TAOK1: variants seen among roughly 807,000 people sequenced by gnomAD.
TAOK1 encodes serine/threonine-protein kinase TAO1.
Under a neutral mutation model 138.3 loss-of-function variants are expected in TAOK1, and 21 were observed. The ratio of observed to expected loss-of-function variants is 0.15; its 90% confidence interval spans 0.11 to 0.22. The LOEUF is 0.22. TAOK1 is among the 10% of genes least tolerant of loss of function. The pLI is 1.00. For synonymous variants in TAOK1, 361 were observed against 398.4 expected, an observed-to-expected ratio of 0.91 and a Z score of 1.12; for missense variants, 651 against 1,227.7, an observed-to-expected ratio of 0.53 and a Z score of 7.02.
In TAOK1 at chr17:29,472,214, C is replaced by T. The variant is rs1294570452; in HGVS notation, c.205-3456C>T. Among the ~76,000 whole-genome samples, 5 of 151,406 alleles carry T rather than the reference C, an allele frequency of 3.3e-5. No homozygotes were observed. The East Asian group carries it at 5.8e-4, about 18-fold the overall frequency. ...ATTCTCAATTTACTTTGCCCATATC[C>T]ATCAGACAAATTGCTGTCTATGGCA... On this transcript the variant is annotated intron_variant, in intron 3 of 19. Coordinates refer to ENST00000261716, the MANE Select transcript of TAOK1 (RefSeq NM_020791.4).
At chr17:29,403,009 A>G (rs2153020280) in intron 1 of TAOK1, among the ~76,000 whole-genome samples, 1 of 151,920 alleles carries the variant, frequency 6.6e-6, no homozygotes, top group Non-Finnish European at 1.5e-5. Flanking sequence ...AAAAAAAACA[A>G]AATTAGCCGT....
chr17:29,455,739 T>C (rs1175501957), intron 2 of TAOK1, among the ~76,000 whole-genome samples: 1 of 146,006 alleles, frequency 6.8e-6, no homozygotes, highest in Non-Finnish European at 1.5e-5. Context: ...GTTTTTTTTT[T>C]CCTTCATTTT....
At chr17:29,467,448 T>C (rs1049063034) in intron 3 of TAOK1, among the ~76,000 whole-genome samples, 2 of 152,124 alleles carry the variant, frequency 1.3e-5, no homozygotes, top group Admixed American at 6.6e-5. Context: ...TAATTTTTTG[T>C]ATTTTTAGTA....
intron 1 of TAOK1, among the ~76,000 whole-genome samples, chr17:29,437,542 A>T (rs531335351): frequency 6.6e-6 from 1 of 152,126 alleles, no homozygotes; most frequent in Non-Finnish European, 1.5e-5. Flanking sequence ...TTAACCTATT[A>T]TTGAAAGTTA....
intron 3 of TAOK1, among the ~76,000 whole-genome samples, chr17:29,471,408 G>T (rs1387998178): frequency 6.8e-6 from 1 of 146,680 alleles, no homozygotes; most frequent in African/African-American, 2.5e-5. Flanking sequence ...CTCCCGAGTA[G>T]CTGGGACTAC....
intron 17 of TAOK1, among the ~76,000 whole-genome samples, chr17:29,527,423 G>A (rs1234844007): frequency 3.3e-5 from 5 of 152,110 alleles, no homozygotes; most frequent in Non-Finnish European, 7.4e-5. Flanking sequence ...CATGATCATG[G>A]CACTGTACTC....
intron 11 of TAOK1, among the ~76,000 whole-genome samples, chr17:29,496,849 G>A (rs568676137): frequency 6.6e-6 from 1 of 152,094 alleles, no homozygotes; most frequent in Admixed American, 6.5e-5. Flanking sequence ...GCCTCCCAAA[G>A]TGCTAGGATT....
intron 1 of TAOK1, among the ~76,000 whole-genome samples, chr17:29,443,066 T>C (rs1598483031): frequency 6.6e-6 from 1 of 152,174 alleles, no homozygotes; most frequent in South Asian, 2.1e-4. Context: ...ACCAGTTCAG[T>C]GTAAAGAAGC....
intron 2 of TAOK1, among the ~76,000 whole-genome samples, chr17:29,459,984 ATTGTTATAT>A: frequency 6.6e-6 from 1 of 152,206 alleles, no homozygotes; most frequent in South Asian, 2.1e-4. Context: ...TGGGTCTTTC[ATTGTTATAT>A]TGGAAAGTTT....
At chr17:29,456,605 C>T (rs1450100320) in intron 2 of TAOK1, among the ~76,000 whole-genome samples, 1 of 150,588 alleles carries the variant, frequency 6.6e-6, no homozygotes, top group Non-Finnish European at 1.5e-5. Context: ...TGGGGATACC[C>T]AGCCAGTAAG....
intron 1 of TAOK1, among the ~76,000 whole-genome samples, chr17:29,411,996 C>T (rs1196847007): frequency 6.6e-6 from 1 of 151,854 alleles, no homozygotes; most frequent in East Asian, 1.9e-4. Flanking sequence ...GCTTTTCCTT[C>T]CTTCCTTCCT....
rs71138823 is a variant in TAOK1 at position 29,487,246 on chromosome 17, C to CAAAAA, written c.656-2393_656-2389dup. 4.8e-3 allele frequency among the ~76,000 whole-genome samples: 436 copies of CAAAAA among 90,254 alleles called. 28 individuals are homozygous for CAAAAA. Among genetic ancestry groups the CAAAAA allele is most frequent in the African/African-American group, 0.021 (417 of 19,788 alleles). 59.2% of individuals were successfully genotyped at this position (90,254 alleles called of 152,430 possible). On this transcript the variant is annotated intron_variant, in intron 8 of 19. Coordinates refer to ENST00000261716, the MANE Select transcript of TAOK1 (RefSeq NM_020791.4). ...GGGCAACAGAGCGAGACTGTGTCTC[C>CAAAAA]AAAAAAAAAAAAAAAAAAAAAAAAA...
At chr17:29,392,494 A>G (rs1261883276) in intron 1 of TAOK1, among the ~76,000 whole-genome samples, 1 of 152,222 alleles carries the variant, frequency 6.6e-6, no homozygotes, top group African/African-American at 2.4e-5. Flanking sequence ...TCTGGTTTAC[A>G]GTAGTACTTG....
At chr17:29,409,331 ATATTTT>A (rs1196721563) in intron 1 of TAOK1, among the ~76,000 whole-genome samples, 1,898 of 59,880 alleles carry the variant, frequency 0.032, 17 homozygotes, top group East Asian at 0.12. Flanking sequence ...ATATATATAT[ATATTTT>A]TTTTTTTTTT....
intron 1 of TAOK1, among the ~76,000 whole-genome samples, chr17:29,436,406 A>C (rs1906032397): frequency 6.6e-6 from 1 of 151,876 alleles, no homozygotes; most frequent in Non-Finnish European, 1.5e-5. Context: ...CATTTAGTTA[A>C]CTCTTGTTTT....
chr17:29,531,680 C>T lies in TAOK1; in HGVS notation c.2361+1061C>T, dbSNP rs1424619350. ...CTGGAGGCGGAGGCGGGAGAATCAC[C>T]TGAACCCCGGGGGCAGAGGTTGCAG... On this transcript the variant is annotated intron_variant, in intron 18 of 19. Transcript: ENST00000261716. 2.6e-5 allele frequency among the ~76,000 whole-genome samples: 4 copies of T among 151,434 alleles called. No individual in the cohort carries two copies. The South Asian group carries it at 6.3e-4, about 24-fold the overall frequency.
chr17:29,528,348 A>G (rs1164369566), intron 17 of TAOK1, among the ~76,000 whole-genome samples: 2 of 152,176 alleles, frequency 1.3e-5, no homozygotes, highest in East Asian at 3.9e-4. Flanking sequence ...ACGCCTGGCC[A>G]AGATTTGTTA....
chr17:29,435,858 C>T (rs548380371), intron 1 of TAOK1, among the ~76,000 whole-genome samples: 7 of 152,302 alleles, frequency 4.6e-5, no homozygotes, highest in South Asian at 2.1e-4. Flanking sequence ...AGGCGGGGTG[C>T]GGTGGCTCAC....
In TAOK1 at chr17:29,530,629, CT is replaced by C; in HGVS notation, c.2361+17del. Reference sequence around the variant, plus strand: ...GCTCTCCACACAAGCCGTGAGTTTGCTTTTTTTGGGGCAAAACAAATTTAGT... The same window carrying C: ...GCTCTCCACACAAGCCGTGAGTTTGCTTTTTTGGGGCAAAACAAATTTAGT... On this transcript the variant is annotated intron_variant, in intron 18 of 19. Transcript: ENST00000261716. 1 of 1,612,952 alleles carries C rather than the reference CT, an allele frequency of 6.2e-7. No homozygotes were observed. Among genetic ancestry groups the C allele is most frequent in the Non-Finnish European group, 8.5e-7 (1 of 1,179,300 alleles).
Sources: gnomAD v4.1 joint callset for allele counts (sites outside exome capture counted in the v4.1 genomes callset) on GRCh38, gnomAD v4.1.1 for gene constraint, MANE v1.5 for transcripts, NCBI Gene and HGNC (gene_info 2026-07-23, HGNC 2026-07-21) for gene names.